The following XKR9 variants were observed in gnomAD, a reference collection of about 807,000 sequenced individuals.
The protein encoded by XKR9 is XK related 9.
In XKR9, 32 loss-of-function variants were observed where a neutral mutation model predicts 32.0. The observed-to-expected ratio is 1.00, with a 90% CI of 0.76 to 1.34. The LOEUF is 1.34. Among genes scored for constraint, XKR9 ranks in the 40% most tolerant of loss-of-function variants. XKR9 has a pLI of 0.00. For missense variants in XKR9, 546 were observed against 429.7 expected (o/e 1.27, Z -2.39); for synonymous variants, 168 against 143.4 (o/e 1.17, Z -1.22).
intron 3 of XKR9, among the ~76,000 whole-genome samples, chr8:70,696,262 C>G (rs899181978): frequency 4.6e-5 from 7 of 152,170 alleles, no homozygotes; most frequent in Non-Finnish European, 8.8e-5. Context: ...TTGCCCATGC[C>G]TATGTCCTGA....
intron 2 of XKR9, among the ~76,000 whole-genome samples, chr8:70,757,023 C>T (rs1235819504): frequency 1.3e-5 from 2 of 151,988 alleles, no homozygotes; most frequent in Non-Finnish European, 2.9e-5. Context: ...TCCTCCTACT[C>T]CTATTTATTG....
At chr8:70,809,485 C>T in the XKR9 span, among the ~76,000 whole-genome samples, 2 of 152,146 alleles carry the variant, frequency 1.3e-5, no homozygotes, top group African/African-American at 4.8e-5. Flanking sequence ...TTCAGATGAT[C>T]ATACTACTCT....
chr8:70,942,948 T>C, the XKR9 span, among the ~76,000 whole-genome samples: 1 of 152,170 alleles, frequency 6.6e-6, no homozygotes, highest in Admixed American at 6.6e-5. Context: ...ATATTTTTAG[T>C]AAGCGTGTGT....
chr8:70,828,720 CAAAAAAAAAGAAAAAAA>C, the XKR9 span, among the ~76,000 whole-genome samples: 1 of 81,250 alleles, frequency 1.2e-5, no homozygotes, highest in Non-Finnish European at 2.5e-5. Flanking sequence ...GACTATGTCT[CAAAAAAAAAGAAAAAAA>C]AAAAAAAAAG....
the XKR9 span, among the ~76,000 whole-genome samples, chr8:71,019,856 C>T: frequency 2.6e-5 from 4 of 152,038 alleles, no homozygotes; most frequent in Admixed American, 6.5e-5. Flanking sequence ...TGTTCTGAGC[C>T]GTATATATAG....
chr8:71,041,888 A>G, the XKR9 span, among the ~76,000 whole-genome samples: 1 of 152,208 alleles, frequency 6.6e-6, no homozygotes, highest in Non-Finnish European at 1.5e-5. Flanking sequence ...TCTTTCTTTT[A>G]TAAATTACCC....
At chr8:70,719,120 A>G (rs1457669007) in intron 4 of XKR9, among the ~76,000 whole-genome samples, 2 of 152,064 alleles carry the variant, frequency 1.3e-5, no homozygotes, top group Admixed American at 1.3e-4. Flanking sequence ...TCTTTTGAGA[A>G]GTGTCTGTTC....
chr8:70,994,747 GTTTTTT>G, the XKR9 span, among the ~76,000 whole-genome samples: 1,429 of 126,892 alleles, frequency 0.011, 24 homozygotes, highest in African/African-American at 0.04. Context: ...GTTATATTCT[GTTTTTT>G]TTTTTTTTTG....
intron 2 of XKR9, among the ~76,000 whole-genome samples, chr8:70,743,645 G>T (rs945282187): frequency 1.3e-5 from 2 of 152,062 alleles, no homozygotes; most frequent in African/African-American, 4.8e-5. Context: ...ATAGTTCACG[G>T]TCAGCCTAAA....
chr8:70,881,401 A>G, the XKR9 span, among the ~76,000 whole-genome samples: 2 of 152,228 alleles, frequency 1.3e-5, no homozygotes, highest in African/African-American at 4.8e-5. Flanking sequence ...AGGATCTACT[A>G]TGAACTCAAA....
chr8:70,917,238 T>C, the XKR9 span, among the ~76,000 whole-genome samples: 1 of 152,234 alleles, frequency 6.6e-6, no homozygotes. Flanking sequence ...TAATACCTTT[T>C]CTGAAAGACT....
chr8:70,947,037 G>C, the XKR9 span, among the ~76,000 whole-genome samples: 1 of 152,156 alleles, frequency 6.6e-6, no homozygotes, highest in Non-Finnish European at 1.5e-5. Flanking sequence ...GCATAAGGCA[G>C]CATCGGGAAA....
Position 70,669,412 on chromosome 8 carries a change from G to A in XKR9, c.-487G>A, listed in dbSNP as rs570823359. On this transcript the variant is annotated 5_prime_UTR_variant, in exon 1 of 5. Transcript: ENST00000408926. ...TGGCGCGAGGCGTGAGGTGGCGTGA[G>A]GCGAAGCTGGAATCTGCCTCTGTCA... is the stretch of plus-strand genomic sequence containing the variant. 7.6e-6 allele frequency: 3 copies of A among 393,652 alleles called. No individual in the cohort carries two copies. The East Asian group carries it at 1.7e-4, about 23-fold the overall frequency. The allele number at this position is 393,652 out of a possible 1,614,324, so 24.4% of individuals were successfully genotyped here.
Position 70,733,801 on chromosome 8 carries a change from G to A in XKR9, c.499G>A (p.Ala167Thr), listed in dbSNP as rs145832461. The change falls in exon 5 of 5, where the codon GCC becomes ACC. Residue 167 changes from alanine (A) to threonine (T), a missense_variant. Physicochemically the swap from Ala to Thr is moderately conservative, Grantham distance 58. Coordinates refer to ENST00000408926, the MANE Select transcript of XKR9 (RefSeq NM_001011720.2). ...TTTATTTTTTTGTTTTGTAGATGCG[G>A]CCATCATGGTCTCTTGCTGTGCTAT... ...HGQANFSQYA[A>T]IMVSCCAISW... The A allele has an allele frequency of 3.2e-4, 500 of 1,552,642 alleles. 2 individuals are homozygous for A. Among genetic ancestry groups the A allele is most frequent in the Non-Finnish European group, 3.9e-4 (454 of 1,157,376 alleles).
At chr8:70,917,630 T>C in the XKR9 span, among the ~76,000 whole-genome samples, 1 of 152,204 alleles carries the variant, frequency 6.6e-6, no homozygotes, top group African/African-American at 2.4e-5. Context: ...ATTCAAACAA[T>C]GAACGAATGA....
chr8:70,700,250 C>T (rs912136178), intron 3 of XKR9, among the ~76,000 whole-genome samples: 7 of 152,020 alleles, frequency 4.6e-5, no homozygotes, highest in African/African-American at 1.7e-4. Flanking sequence ...TGGAGGAGGA[C>T]AGGTGCTCTG....
chr8:70,994,961 G>T, the XKR9 span, among the ~76,000 whole-genome samples: 3 of 152,106 alleles, frequency 2.0e-5, no homozygotes, highest in African/African-American at 7.2e-5. Context: ...TAAAATAAAG[G>T]CTAGTTAGTA....
At chr8:70,967,164 G>A in the XKR9 span, among the ~76,000 whole-genome samples, 11 of 150,464 alleles carry the variant, frequency 7.3e-5, no homozygotes, top group South Asian at 2.1e-4. Flanking sequence ...CTGGGTTCAC[G>A]CCATTCTCCA....
chr8:70,878,951 C>G, the XKR9 span, among the ~76,000 whole-genome samples: 2 of 152,192 alleles, frequency 1.3e-5, no homozygotes, highest in East Asian at 3.8e-4. Flanking sequence ...TTATAACAAA[C>G]TGTCTCTCAG....
Sources: gnomAD v4.1 joint callset for allele counts (sites outside exome capture counted in the v4.1 genomes callset) on GRCh38, gnomAD v4.1.1 for gene constraint, MANE v1.5 for transcripts, NCBI Gene and HGNC (gene_info 2026-07-23, HGNC 2026-07-21) for gene names.